The following AKAP19 variants were observed in gnomAD, a reference collection of about 807,000 sequenced individuals.
AKAP19 encodes A-kinase anchoring protein 19, also known as small A-kinase anchoring protein.
the AKAP19 span, among the ~76,000 whole-genome samples, chr2:189,978,649 G>A: frequency 3.9e-5 from 6 of 152,044 alleles, no homozygotes; most frequent in African/African-American, 1.4e-4. Flanking sequence ...TGAAAACATG[G>A]TATTTGATTT....
At chr2:189,998,817 G>T in the AKAP19 span, among the ~76,000 whole-genome samples, 1 of 114,762 alleles carries the variant, frequency 8.7e-6, no homozygotes, top group African/African-American at 3.3e-5. Flanking sequence ...CTTTCACCCA[G>T]GCTGGAGCAC....
chr2:189,924,008 A>G, the AKAP19 span: 2 of 1,581,446 alleles, frequency 1.3e-6, no homozygotes, highest in Non-Finnish European at 8.7e-7. Flanking sequence ...AGAGGAGCAG[A>G]GCAGCAGCTC....
chr2:189,995,546 G>C, the AKAP19 span, among the ~76,000 whole-genome samples: 1 of 152,136 alleles, frequency 6.6e-6, no homozygotes, highest in Non-Finnish European at 1.5e-5. Flanking sequence ...GAAGATACTT[G>C]ATTGGTGAGT....
chr2:189,982,785 G>T, the AKAP19 span, among the ~76,000 whole-genome samples: 1 of 151,980 alleles, frequency 6.6e-6, no homozygotes, highest in Admixed American at 6.6e-5. Flanking sequence ...GCTCTGTAGG[G>T]GCTCTTTGGT....
the AKAP19 span, among the ~76,000 whole-genome samples, chr2:189,888,931 C>T: frequency 6.6e-6 from 1 of 152,104 alleles, no homozygotes; most frequent in African/African-American, 2.4e-5. Flanking sequence ...AATACCCTTT[C>T]TTTCTTTCTC....
chr2:189,944,375 T>A, the AKAP19 span, among the ~76,000 whole-genome samples: 2 of 152,176 alleles, frequency 1.3e-5, no homozygotes, highest in African/African-American at 4.8e-5. Flanking sequence ...TTCCACTATG[T>A]TTGTAAGCTT....
At chr2:189,888,700 G>A in the AKAP19 span, among the ~76,000 whole-genome samples, 2 of 152,088 alleles carry the variant, frequency 1.3e-5, no homozygotes, top group African/African-American at 4.8e-5. Context: ...TCTCTTTGTA[G>A]CAATTGTGAA....
At chr2:189,918,182 T>C in the AKAP19 span, among the ~76,000 whole-genome samples, 10 of 152,272 alleles carry the variant, frequency 6.6e-5, 1 homozygote, top group East Asian at 1.5e-3. Context: ...GACAATATTA[T>C]ACTTGTTGTT....
At chr2:190,069,175 T>TGAGA in the AKAP19 span, among the ~76,000 whole-genome samples, 11,477 of 123,276 alleles carry the variant, frequency 0.093, 713 homozygotes, top group Middle Eastern at 0.17. Context: ...TGTGTGTGTG[T>TGAGA]GAGAGAGAGA....
chr2:190,063,424 A>G, the AKAP19 span, among the ~76,000 whole-genome samples: 1 of 152,108 alleles, frequency 6.6e-6, no homozygotes, highest in Non-Finnish European at 1.5e-5. Context: ...TATTCTAAAG[A>G]TGCAGATTAA....
At chr2:190,169,641 GAGA>G in the AKAP19 span, among the ~76,000 whole-genome samples, 1 of 152,300 alleles carries the variant, frequency 6.6e-6, no homozygotes, top group Non-Finnish European at 1.5e-5. Flanking sequence ...CACATTTTAG[GAGA>G]AGATGTTTAA....
the AKAP19 span, among the ~76,000 whole-genome samples, chr2:189,901,985 A>G: frequency 6.6e-6 from 1 of 152,118 alleles, no homozygotes; most frequent in Non-Finnish European, 1.5e-5. Flanking sequence ...TAGCACAATG[A>G]TTAGCCTAGG....
At chr2:190,006,235 C>T in the AKAP19 span, among the ~76,000 whole-genome samples, 3 of 152,192 alleles carry the variant, frequency 2.0e-5, no homozygotes, top group South Asian at 2.1e-4. Context: ...TGACATCATT[C>T]CTGGAGCATA....
the AKAP19 span, among the ~76,000 whole-genome samples, chr2:190,038,130 C>A: frequency 6.6e-6 from 1 of 152,190 alleles, no homozygotes; most frequent in African/African-American, 2.4e-5. Flanking sequence ...TTTAGCTGGG[C>A]TCCCTGTTGA....
At chr2:189,882,261 A>C in the AKAP19 span, among the ~76,000 whole-genome samples, 4 of 152,162 alleles carry the variant, frequency 2.6e-5, no homozygotes, top group African/African-American at 9.7e-5. Context: ...ACCCTTCTTC[A>C]CTGTTTCCAG....
the AKAP19 span, among the ~76,000 whole-genome samples, chr2:190,081,487 C>G: frequency 3.3e-5 from 5 of 152,302 alleles, no homozygotes; most frequent in South Asian, 6.2e-4. Context: ...TAACCCGCAT[C>G]TTACCTCTCC....
chr2:190,115,966 G>A, the AKAP19 span, among the ~76,000 whole-genome samples: 1 of 152,190 alleles, frequency 6.6e-6, no homozygotes, highest in Non-Finnish European at 1.5e-5. Flanking sequence ...CTATATGCAT[G>A]TGTATGTGTA....
At chr2:190,014,867 G>A in the AKAP19 span, among the ~76,000 whole-genome samples, 2 of 152,140 alleles carry the variant, frequency 1.3e-5, no homozygotes, top group East Asian at 3.8e-4. Flanking sequence ...AATCCAGCAG[G>A]GCAGTCATTA....
the AKAP19 span, among the ~76,000 whole-genome samples, chr2:189,982,664 C>CTT: frequency 0.017 from 2,474 of 143,792 alleles, 61 homozygotes; most frequent in African/African-American, 0.046. Context: ...GGAACCTTAA[C>CTT]TTTTTTTTTT....
Sources: gnomAD v4.1 joint callset for allele counts (sites outside exome capture counted in the v4.1 genomes callset) on GRCh38, gnomAD v4.1.1 for gene constraint, MANE v1.5 for transcripts, NCBI Gene and HGNC (gene_info 2026-07-23, HGNC 2026-07-21) for gene names.